USP50: variants seen among roughly 807,000 people sequenced by gnomAD.
USP50 encodes the protein ubiquitin specific peptidase 50.
A neutral mutation model predicts 39.2 loss-of-function variants in USP50; 37 were observed. The ratio of observed to expected loss-of-function variants is 0.94; its 90% CI spans 0.73 to 1.24. USP50 has a LOEUF of 1.24. USP50 is among the 50% of genes most tolerant of loss of function. USP50 has a pLI of 0.00. For missense variants in USP50, 374 were observed against 398.2 expected (o/e 0.94, Z 0.52); for synonymous variants, 139 against 144.5 (o/e 0.96, Z 0.27).
At chr15:50,522,242 T>G (rs778070044) in intron 6 of USP50, among the ~76,000 whole-genome samples, 1 of 152,024 alleles carries the variant, frequency 6.6e-6, no homozygotes, top group Non-Finnish European at 1.5e-5. Context: ...CTGGGCAATA[T>G]AGTGAGACCC....
chr15:50,529,611 C>CA (rs2052924365), intron 6 of USP50, among the ~76,000 whole-genome samples, 186 bp downstream of exon 6: 1 of 152,146 alleles, frequency 6.6e-6, no homozygotes, highest in African/African-American at 2.4e-5. Flanking sequence ...AATAGAGAGG[C>CA]AGTGAACAGT....
intron 6 of USP50, among the ~76,000 whole-genome samples, chr15:50,523,270 C>T (rs1173035949): frequency 6.7e-6 from 1 of 150,264 alleles, no homozygotes; most frequent in South Asian, 2.1e-4. Context: ...CCTCAACCTC[C>T]TGGGCTCAAG....
At chr15:50,545,198 C>T (rs1164680026) in intron 1 of USP50, among the ~76,000 whole-genome samples, 2 of 152,120 alleles carry the variant, frequency 1.3e-5, no homozygotes, top group East Asian at 3.8e-4. Context: ...CAACTGACAA[C>T]TTGCTGGGCA....
intron 5 of USP50, among the ~76,000 whole-genome samples, chr15:50,531,113 G>A (rs547683159): frequency 2.0e-5 from 3 of 152,134 alleles, no homozygotes; most frequent in South Asian, 2.1e-4. Flanking sequence ...GTCTGAGGCC[G>A]GGAAATTACC....
chr15:50,497,134 A>G, downstream of USP50: 1 of 1,609,292 alleles, frequency 6.2e-7, no homozygotes, highest in Non-Finnish European at 8.5e-7. Flanking sequence ...CACAGATAAC[A>G]ACAGATTTTA....
chr15:50,509,547 C>CT (rs1237239411), intron 6 of USP50: 2 of 152,202 alleles, frequency 1.3e-5, no homozygotes, highest in Non-Finnish European at 2.9e-5. Context: ...ACTCAGGAGG[C>CT]TGAGACAGGA....
intron 6 of USP50, among the ~76,000 whole-genome samples, chr15:50,518,159 G>C (rs1437239140): frequency 6.6e-6 from 1 of 151,690 alleles, no homozygotes; most frequent in Non-Finnish European, 1.5e-5. Context: ...CAATGGAACA[G>C]AATAGAGAAC....
intron 6 of USP50, among the ~76,000 whole-genome samples, chr15:50,518,718 C>T (rs2052823883): frequency 6.6e-6 from 1 of 151,084 alleles, no homozygotes; most frequent in African/African-American, 2.4e-5. Context: ...TAGAAGATAA[C>T]ACAAAGAAAA....
At chr15:50,543,470 A>T in intron 3 of USP50, 128 bp downstream of exon 3, 1 of 845,878 alleles carries the variant, frequency 1.2e-6, no homozygotes, top group African/African-American at 1.7e-5. Context: ...GATGTTCTCC[A>T]TGGGACACCT....
intron 6 of USP50, chr15:50,510,560 T>C (rs2052722402): frequency 6.6e-6 from 1 of 152,190 alleles, no homozygotes; most frequent in African/African-American, 2.4e-5. Flanking sequence ...CATATAATTC[T>C]GCTATTGTGG....
intron 6 of USP50, chr15:50,509,354 G>C (rs939531058): frequency 1.3e-5 from 2 of 149,494 alleles, no homozygotes; most frequent in Admixed American, 6.7e-5. Context: ...AAGATTTAGA[G>C]AATAAGAGAC....
chr15:50,501,596 T>C (rs1384938728), intron 6 of USP50: 4 of 151,998 alleles, frequency 2.6e-5, no homozygotes, highest in African/African-American at 9.7e-5. Context: ...ACAGCACAAA[T>C]TGAGGGGGCT....
At chr15:50,533,832 C>T (rs2052960010) in intron 5 of USP50, among the ~76,000 whole-genome samples, 1 of 152,146 alleles carries the variant, frequency 6.6e-6, no homozygotes, top group Non-Finnish European at 1.5e-5. Context: ...GAAACCCCGT[C>T]TCTACCAAAA....
chr15:50,535,938 A>G (rs1228629315), intron 5 of USP50, among the ~76,000 whole-genome samples: 3 of 152,198 alleles, frequency 2.0e-5, no homozygotes, highest in Admixed American at 6.6e-5. Context: ...AATACCCATC[A>G]TGATAAAAAC....
chr15:50,524,555 C>G (rs2052873657), intron 6 of USP50, among the ~76,000 whole-genome samples: 1 of 152,140 alleles, frequency 6.6e-6, no homozygotes, highest in Admixed American at 6.6e-5. Context: ...GAAATTAAAA[C>G]CACAATGAGC....
At chr15:50,526,509 T>C (rs1021698425) in intron 6 of USP50, among the ~76,000 whole-genome samples, 2 of 152,232 alleles carry the variant, frequency 1.3e-5, no homozygotes, top group Admixed American at 6.5e-5. Flanking sequence ...ATTGTTAGCA[T>C]ATGGTTGCCA....
intron 6 of USP50, chr15:50,514,309 G>C (rs1026216628): frequency 2.6e-5 from 4 of 152,168 alleles, no homozygotes; most frequent in African/African-American, 7.2e-5. Context: ...TTTAAACTCT[G>C]TTCTGCTGGT....
downstream of USP50, among the ~76,000 whole-genome samples, chr15:50,498,089 T>C (rs983117234): frequency 1.3e-5 from 2 of 152,218 alleles, no homozygotes; most frequent in African/African-American, 2.4e-5. Context: ...TTCAAAATTA[T>C]GAAATAACCA....
rs190808677 is a variant in USP50 at position 50,512,380 on chromosome 15, A to T, written c.937-11543T>A. 1.6e-4 allele frequency: 24 copies of T among 152,110 alleles called. No homozygotes were observed. In the East Asian group the frequency reaches 4.6e-3, roughly 29 times the overall value. The allele number at this position is 152,110 out of a possible 1,614,324, so 9.4% of individuals were successfully genotyped here. ...AGAGAGTGCACGTGAGAAGACTAGT[A>T]GTTGCTATGGACTGGGGGAGAAGGA... is the stretch of plus-strand genomic sequence containing the variant. On this transcript the variant is annotated intron_variant, in intron 6 of 6. Transcript: ENST00000532404.
Sources: allele counts gnomAD v4.1 joint callset (sites outside exome capture counted in the v4.1 genomes callset), GRCh38; gene constraint gnomAD v4.1.1; transcripts MANE v1.5; gene names NCBI Gene and HGNC (gene_info 2026-07-23, HGNC 2026-07-21).